Variants in ANKRD28 observed in about 807,000 individuals in gnomAD.
ANKRD28 encodes serine/threonine-protein phosphatase 6 regulatory ankyrin repeat subunit A.
Under a neutral mutation model 126.5 loss-of-function variants are expected in ANKRD28, and 44 were observed. That is an observed-to-expected ratio of 0.35 (90% CI 0.27 to 0.45). The LOEUF is 0.45. Among genes scored for constraint, ANKRD28 ranks in the 20% least tolerant of loss-of-function variants. The pLI is 1.00. For missense variants in ANKRD28, 1,110 were observed against 1,316.6 expected (o/e 0.84, Z 2.43); for synonymous variants, 442 against 468.5 (o/e 0.94, Z 0.73).
chr3:15,832,776 G>C (rs780066412), intron 1 of ANKRD28, among the ~76,000 whole-genome samples: 11 of 152,178 alleles, frequency 7.2e-5, no homozygotes, highest in Non-Finnish European at 8.8e-5. Context: ...TGCTGCAAAA[G>C]ACATGATTTC....
intron 2 of ANKRD28, 96 bp downstream of exon 2, chr3:15,795,127 G>T: frequency 1.2e-6 from 1 of 860,174 alleles, no homozygotes; most frequent in Non-Finnish European, 1.9e-6. Context: ...AACTGTTACA[G>T]AGTTATATTA....
rs552477364 is a variant in ANKRD28 at position 15,805,019 on chromosome 3, G to A, written c.28-9713C>T. 6.2e-5 allele frequency among the ~76,000 whole-genome samples: 9 copies of A among 144,844 alleles called. 1 individual carries two copies. The highest frequency in any genetic ancestry group is 1.4e-4 in the Admixed American group (2 of 14,754). ...CTCCTCCCAACACACATGTACTTAC[G>A]TAGCAGGTACTTACGAAAACAGAGT... On this transcript the variant is annotated intron_variant, in intron 1 of 27. Coordinates refer to the ANKRD28 transcript ENST00000399451.
intron 18 of ANKRD28, among the ~76,000 whole-genome samples, chr3:15,686,775 C>T (rs2068175200): frequency 6.6e-6 from 1 of 152,156 alleles, no homozygotes; most frequent in Non-Finnish European, 1.5e-5. Flanking sequence ...ATACTTTTAT[C>T]TTTAATAATG....
intron 2 of ANKRD28, among the ~76,000 whole-genome samples, chr3:15,783,151 C>T (rs901700294): frequency 6.6e-6 from 1 of 151,580 alleles, no homozygotes; most frequent in African/African-American, 2.4e-5. Flanking sequence ...AATACAGCCA[C>T]AGATCGAGGA....
At chr3:15,796,082 C>T (rs1469064633) in intron 1 of ANKRD28, among the ~76,000 whole-genome samples, 1 of 152,074 alleles carries the variant, frequency 6.6e-6, no homozygotes, top group African/African-American at 2.4e-5. Flanking sequence ...TGCAGAGTTC[C>T]TGATTCTTGT....
At chr3:15,768,551 AGGCTGAGGTAGGATG>A (rs1330899149) in intron 2 of ANKRD28, among the ~76,000 whole-genome samples, 2 of 151,932 alleles carry the variant, frequency 1.3e-5, no homozygotes, top group Non-Finnish European at 2.9e-5. Context: ...GGTACTCGGC[AGGCTGAGGTAGGATG>A]GCTTGAGTCC....
intron 11 of ANKRD28, among the ~76,000 whole-genome samples, 193 bp downstream of exon 11, chr3:15,711,947 C>T (rs188796095): frequency 6.6e-6 from 1 of 151,944 alleles, no homozygotes; most frequent in East Asian, 1.9e-4. Flanking sequence ...CTGCCTGTCT[C>T]GGCCTCCCAA....
At chr3:15,793,493 A>C (rs114774957) in intron 2 of ANKRD28, among the ~76,000 whole-genome samples, 288 of 152,306 alleles carry the variant, frequency 1.9e-3, no homozygotes, top group African/African-American at 6.5e-3. Context: ...ATTTAGGATA[A>C]ATTGATTAAA....
At chr3:15,693,230 G>A (rs1258681662) in intron 17 of ANKRD28, among the ~76,000 whole-genome samples, 1 of 152,120 alleles carries the variant, frequency 6.6e-6, no homozygotes, top group African/African-American at 2.4e-5. Context: ...AATTAGAAAT[G>A]GTTAAGAAGG....
chr3:15,803,945 G>A (rs534675188), intron 1 of ANKRD28, among the ~76,000 whole-genome samples: 1 of 144,898 alleles, frequency 6.9e-6, no homozygotes, highest in African/African-American at 2.6e-5. Context: ...ACATCTAGGT[G>A]AATATTAAAA....
At position 15,812,921 on chromosome 3, in the gene ANKRD28, C is replaced by T. The variant is rs757839606; in HGVS notation, c.28-17615G>A. Among the ~76,000 whole-genome samples, 6 of 152,062 alleles carry T rather than the reference C, an allele frequency of 3.9e-5. No individual in the cohort carries two copies. Among genetic ancestry groups the T allele is most frequent in the African/African-American group, 7.2e-5 (3 of 41,382 alleles). ...AGGAACATGAATCCTGAATGTGACC[C>T]GATTCACTCCAATTTGAAGAAAACA... is the stretch of plus-strand genomic sequence containing the variant. On this transcript the variant is annotated intron_variant, in intron 1 of 27. Coordinates refer to the ANKRD28 transcript ENST00000399451. This position sits in a 1 kb window ranked among gnomAD's most constrained non-coding sequence, Gnocchi z 4.1.
chr3:15,749,837 T>C (rs973950336), intron 4 of ANKRD28, among the ~76,000 whole-genome samples: 4 of 152,196 alleles, frequency 2.6e-5, no homozygotes, highest in African/African-American at 9.6e-5. Context: ...TAAAGAGTCC[T>C]GTGATGTGAT....
intron 6 of ANKRD28, among the ~76,000 whole-genome samples, chr3:15,727,564 C>CAAAAAAAAAAAA (rs59584114): frequency 9.1e-5 from 6 of 65,968 alleles, no homozygotes; most frequent in East Asian, 5.5e-4. Flanking sequence ...GAAACTCTGT[C>CAAAAAAAAAAAA]AAAAAAAAAA....
chr3:15,677,694 T>C (rs796837538), intron 24 of ANKRD28, 132 bp from the exon 25 acceptor site: 14 of 556,048 alleles, frequency 2.5e-5, no homozygotes, highest in African/African-American at 2.1e-4. Flanking sequence ...AAGAAAAATA[T>C]TGTAATATAT....
intron 6 of ANKRD28, among the ~76,000 whole-genome samples, chr3:15,727,791 T>C (rs1020711751): frequency 6.6e-6 from 1 of 152,144 alleles, no homozygotes; most frequent in Non-Finnish European, 1.5e-5. Context: ...TGAATTGCTA[T>C]AATCTCATGA....
intron 16 of ANKRD28, 60 bp from the exon 17 acceptor site, chr3:15,694,873 C>A: frequency 6.7e-7 from 1 of 1,497,356 alleles, no homozygotes; most frequent in South Asian, 1.1e-5. Context: ...TATTCTCTCC[C>A]ACCCACCCAG....
At chr3:15,786,147 C>G (rs1230729304) in intron 2 of ANKRD28, among the ~76,000 whole-genome samples, 1 of 151,896 alleles carries the variant, frequency 6.6e-6, no homozygotes, top group Non-Finnish European at 1.5e-5. Flanking sequence ...TGTATAATAC[C>G]AGGAGTGAAC....
In ANKRD28 at chr3:15,678,277, T is replaced by C. The variant is rs754766441; in HGVS notation, c.2639A>G (p.Asn880Ser). Residue 880 changes from asparagine (N) to serine (S), a missense_variant, in exon 24 of 28, where the codon AAT (asparagine) becomes AGT (serine). Transcript: ENST00000683139. ...TGTTTTCCCTGTAGAGTCCACAGAA[T>C]TGACTTGAGCATTATGGCTGAGCAG... is the stretch of plus-strand genomic sequence containing the variant. ...QLLLSHNAQVNSVDSTGKTPL... is the reference protein window; with the variant it reads ...QLLLSHNAQVSSVDSTGKTPL... The C allele has an allele frequency of 2.8e-5, 45 of 1,613,082 alleles. No individual in the cohort carries two copies. The highest frequency in any genetic ancestry group is 6.7e-5 in the Admixed American group (4 of 59,948).
At chr3:15,831,351 CT>C (rs2061185814) in intron 1 of ANKRD28, among the ~76,000 whole-genome samples, 1 of 152,214 alleles carries the variant, frequency 6.6e-6, no homozygotes, top group African/African-American at 2.4e-5. Flanking sequence ...CCAAATTGCA[CT>C]GCCAAACTCC....
Sources: allele counts gnomAD v4.1 joint callset (sites outside exome capture counted in the v4.1 genomes callset), GRCh38; gene constraint gnomAD v4.1.1; non-coding constraint Gnocchi (gnomAD v3.1); transcripts MANE v1.5; gene names NCBI Gene and HGNC (gene_info 2026-07-23, HGNC 2026-07-21).